SLC24A5: variants seen among roughly 807,000 people sequenced by gnomAD.
The protein encoded by SLC24A5 is solute carrier family 24 member 5.
A neutral mutation model predicts 51.6 loss-of-function variants in SLC24A5; 46 were observed. The ratio of observed to expected loss-of-function variants is 0.89; its 90% CI spans 0.70 to 1.14. The LOEUF is 1.14. Ranked by LOEUF, SLC24A5 falls within the 50% of genes most tolerant of loss-of-function variation. The pLI is 0.00. For missense variants in SLC24A5, 581 were observed against 604.1 expected, an observed-to-expected ratio of 0.96 and a Z score of 0.40; for synonymous variants, 230 against 214.9, an observed-to-expected ratio of 1.07 and a Z score of -0.62.
intron 5 of SLC24A5, 90 bp downstream of exon 5, chr15:48,135,074 T>G: frequency 1.1e-6 from 1 of 941,258 alleles, no homozygotes; most frequent in Non-Finnish European, 1.7e-6. Context: ...GTTATTTCAG[T>G]CACTTAATCT....
In SLC24A5 at chr15:48,139,045, A is replaced by C. The variant is rs1467663918; in HGVS notation, c.948A>C (p.Thr316=). Residue 316 remains threonine, a synonymous_variant, in exon 7 of 9, where the codon ACA becomes ACC. Coordinates refer to ENST00000341459, the MANE Select transcript of SLC24A5 (RefSeq NM_205850.3). ...IFWVLSLPII[T]LLFLTTPDCR... ...GGGTATTATCCCTTCCTATTATTAC[A>C]TTACTTTTTCTAACCACACCAGATT... 4.3e-6 allele frequency: 7 copies of C among 1,613,110 alleles called. No individual in the cohort carries two copies. The highest frequency in any genetic ancestry group is 5.1e-6 in the Non-Finnish European group (6 of 1,179,332).
Position 48,138,969 on chromosome 15 carries a change from A to G in SLC24A5, c.872A>G (p.Asp291Gly). Residue 291 changes from aspartate (D) to glycine (G), a missense_variant and splice_region_variant, in exon 7 of 9, where the codon GAT (aspartate) becomes GGT (glycine). Physicochemically the swap from Asp to Gly is moderately conservative, Grantham distance 94. Coordinates refer to ENST00000341459, the MANE Select transcript of SLC24A5 (RefSeq NM_205850.3). Reference protein sequence around the residue: ...SLHGLSQVSEDPPSVFNMPEA... With the variant: ...SLHGLSQVSEGPPSVFNMPEA... ...AAAGTGTTTACTTTTTCCACAACAG[A>G]TCCACCAAGTGTTTTCAACATGCCT... The G allele has an allele frequency of 6.2e-7, 1 of 1,609,634 alleles. No homozygotes were observed. The highest frequency in any genetic ancestry group is 8.5e-7 in the Non-Finnish European group (1 of 1,177,912).
intron 7 of SLC24A5, chr15:48,140,396 A>C (rs891062207): frequency 6.6e-6 from 1 of 152,162 alleles, no homozygotes; most frequent in African/African-American, 2.4e-5. Flanking sequence ...GAAAGAAAAA[A>C]AAGACGCTAA....
intron 2 of SLC24A5, among the ~76,000 whole-genome samples, chr15:48,129,382 A>G (rs1000127470): frequency 6.6e-6 from 1 of 152,112 alleles, no homozygotes; most frequent in South Asian, 2.1e-4. Flanking sequence ...GCAAATCACA[A>G]AAAAGACATC....
rs201353600 is a variant in SLC24A5, at chr15:48,141,129, T to G, written c.1095T>G (p.Ile365Met). Residue 365 changes from isoleucine to methionine, a missense_variant, in exon 8 of 9, where the codon ATT becomes ATG. Physicochemically the swap from Ile to Met is conservative, Grantham distance 10. Transcript: ENST00000341459. ...MVTITGETLE[I>M]PDTVMGLTLL... ...TTATTACAGGGGAAACACTAGAAAT[T>G]CCCGATACAGTAATGGGCCTTACTT... The G allele has an allele frequency of 6.2e-7, 1 of 1,613,218 alleles. No individual in the cohort carries two copies. Among genetic ancestry groups the G allele is most frequent in the East Asian group, 2.2e-5 (1 of 44,854 alleles).
chr15:48,130,537 T>A (rs2038779179), intron 2 of SLC24A5, among the ~76,000 whole-genome samples: 1 of 152,274 alleles, frequency 6.6e-6, no homozygotes, highest in African/African-American at 2.4e-5. Flanking sequence ...AGTTTTCTAA[T>A]GAAGCATTCT....
At chr15:48,138,877 C>T in intron 6 of SLC24A5, 92 bp from the exon 7 acceptor site, 1 of 920,844 alleles carries the variant, frequency 1.1e-6, no homozygotes, top group Non-Finnish European at 1.7e-6. Flanking sequence ...ACTGATACAG[C>T]TAATTTATTT....
chr15:48,132,133 A>T (rs1015797675), intron 2 of SLC24A5, among the ~76,000 whole-genome samples: 1 of 152,158 alleles, frequency 6.6e-6, no homozygotes, highest in Admixed American at 6.6e-5. Flanking sequence ...TCTTCATTCT[A>T]GACATGCAGG....
chr15:48,139,372 T>C (rs2038984876), intron 7 of SLC24A5, 197 bp downstream of exon 7: 7 of 455,710 alleles, frequency 1.5e-5, no homozygotes, highest in Non-Finnish European at 2.4e-5. Context: ...ATATAAACTG[T>C]ATTTTCCACT....
At chr15:48,121,279 G>T in intron 1 of SLC24A5, 114 bp downstream of exon 1, 2 of 1,146,634 alleles carry the variant, frequency 1.7e-6, no homozygotes, top group South Asian at 1.8e-5. Context: ...TTTTACTTAC[G>T]CTTCTGAATT....
intron 6 of SLC24A5, 132 bp from the exon 7 acceptor site, chr15:48,138,837 T>C (rs756364197): frequency 1.5e-6 from 1 of 646,270 alleles, no homozygotes; most frequent in Non-Finnish European, 2.7e-6. Context: ...AGTAATGAGG[T>C]ACTCAAATGT....
chr15:48,138,122 T>C (rs563981031), intron 6 of SLC24A5: 2 of 152,202 alleles, frequency 1.3e-5, no homozygotes, highest in South Asian at 4.1e-4. Flanking sequence ...TCCAAATTCT[T>C]TGATTATGTT....
At chr15:48,134,652 A>T (rs2038852194) in intron 4 of SLC24A5, 114 bp downstream of exon 4, 1 of 794,592 alleles carries the variant, frequency 1.3e-6, no homozygotes, top group East Asian at 2.6e-5. Context: ...CAAATTTATT[A>T]ATCAGTAGAA....
At chr15:48,128,920 G>C (rs956747869) in intron 2 of SLC24A5, among the ~76,000 whole-genome samples, 1 of 152,094 alleles carries the variant, frequency 6.6e-6, no homozygotes, top group Admixed American at 6.6e-5. Flanking sequence ...GCAGCTTCTT[G>C]GTGTCAAAAA....
intron 2 of SLC24A5, among the ~76,000 whole-genome samples, chr15:48,132,498 ATAG>A (rs1445936870): frequency 4.6e-5 from 7 of 152,184 alleles, no homozygotes; most frequent in African/African-American, 1.7e-4. Flanking sequence ...CATCTGGCAT[ATAG>A]TAAGTACTCA....
At chr15:48,136,441 G>T in intron 5 of SLC24A5, 1 of 338,612 alleles carries the variant, frequency 3.0e-6, no homozygotes, top group Non-Finnish European at 5.3e-6. Flanking sequence ...AAGTAAAAAC[G>T]AGTTTGTTGA....
At chr15:48,122,224 C>T (rs2038687168) in intron 2 of SLC24A5, 188 bp downstream of exon 2, 2 of 632,424 alleles carry the variant, frequency 3.2e-6, no homozygotes, top group East Asian at 2.7e-5. Flanking sequence ...TAATGTGAAT[C>T]AGAGTTTCTT....
At chr15:48,125,699 C>T (rs1279344003) in intron 2 of SLC24A5, among the ~76,000 whole-genome samples, 1 of 152,156 alleles carries the variant, frequency 6.6e-6, no homozygotes, top group Admixed American at 6.5e-5. Flanking sequence ...CTTTGGCAAC[C>T]TATAGGTGAT....
At position 48,121,053 on chromosome 15, in the gene SLC24A5, A is replaced by T. The variant is rs1485559515; in HGVS notation, c.9A>T (p.Thr3=). The change falls in exon 1 of 9, where the codon ACA becomes ACT. Residue 3 remains threonine, a synonymous_variant. Coordinates refer to ENST00000341459, the MANE Select transcript of SLC24A5 (RefSeq NM_205850.3). ...GTAAGAGCACAGCAGAAATGCAGACAAAAGGGGGCCAAACATGGGCGAGAA... is the reference window on the plus strand; with the variant it reads ...GTAAGAGCACAGCAGAAATGCAGACTAAAGGGGGCCAAACATGGGCGAGAA... MQ[T]KGGQTWARRA... The T allele has an allele frequency of 6.2e-7, 1 of 1,613,456 alleles. No homozygotes were observed. The highest frequency in any genetic ancestry group is 8.5e-7 in the Non-Finnish European group (1 of 1,179,726).
Sources: allele counts gnomAD v4.1 joint callset (sites outside exome capture counted in the v4.1 genomes callset), GRCh38; gene constraint gnomAD v4.1.1; transcripts MANE v1.5; gene names NCBI Gene and HGNC (gene_info 2026-07-23, HGNC 2026-07-21).